The following KAT14 variants were observed in gnomAD, a reference collection of about 807,000 sequenced individuals.
KAT14 encodes the protein lysine acetyltransferase 14.
KAT14 carries 66 observed loss-of-function variants against 78.4 expected under a neutral mutation model. The observed-to-expected ratio is 0.84, with a 90% CI of 0.69 to 1.03. KAT14 has a LOEUF of 1.03. Ranked by LOEUF, KAT14 falls within the 50% of genes least tolerant of loss-of-function variation. KAT14 has a pLI of 0.00. For synonymous variants in KAT14, 344 were observed against 359.4 expected (o/e 0.96, Z 0.48); for missense variants, 870 against 972.5 (o/e 0.89, Z 1.40).
At chr20:18,168,082 G>A (rs2038714945) in intron 7 of KAT14, among the ~76,000 whole-genome samples, 1 of 151,880 alleles carries the variant, frequency 6.6e-6, no homozygotes, top group African/African-American at 2.4e-5. Context: ...AAACTTATAC[G>A]ACTAAGAATA....
intron 5 of KAT14, among the ~76,000 whole-genome samples, chr20:18,160,704 C>T (rs1452518778): frequency 6.6e-6 from 1 of 152,114 alleles, no homozygotes; most frequent in African/African-American, 2.4e-5. Context: ...GCCTCTCCTT[C>T]CAAAAGTGCT....
intron 7 of KAT14, among the ~76,000 whole-genome samples, chr20:18,171,718 A>G (rs1482389229): frequency 6.6e-6 from 1 of 152,198 alleles, no homozygotes; most frequent in Non-Finnish European, 1.5e-5. Flanking sequence ...AGGCTGAGGC[A>G]GGAGAATCGC....
At chr20:18,185,684 A>AT (rs1025354419) in intron 10 of KAT14, among the ~76,000 whole-genome samples, 2 of 152,008 alleles carry the variant, frequency 1.3e-5, no homozygotes, top group African/African-American at 4.8e-5. Context: ...TTCCCCTAGA[A>AT]TTTTTTTTAG....
intron 4 of KAT14, among the ~76,000 whole-genome samples, chr20:18,157,034 A>T (rs2038251264): frequency 6.6e-6 from 1 of 152,216 alleles, no homozygotes; most frequent in African/African-American, 2.4e-5. Flanking sequence ...TGTTTTTGTG[A>T]TTAGAAGTAG....
At chr20:18,177,286 C>G (rs574112038) in intron 7 of KAT14, among the ~76,000 whole-genome samples, 7 of 152,264 alleles carry the variant, frequency 4.6e-5, no homozygotes, top group South Asian at 2.1e-4. Flanking sequence ...TCCCTGTGGC[C>G]TCTAGTTATT....
intron 9 of KAT14, chr20:18,183,635 T>C (rs2039347928): frequency 2.8e-5 from 19 of 687,728 alleles, no homozygotes; most frequent in Non-Finnish European, 3.4e-5. Flanking sequence ...TTGGACACTT[T>C]TGTTTTTGGC....
At position 18,162,579 on chromosome 20, in the gene KAT14, A is replaced by G. The variant is rs761019315; in HGVS notation, c.1302A>G (p.Thr434=). The change falls in exon 7 of 11, where the codon ACA becomes ACG. Residue 434 remains threonine (T), a synonymous_variant. Transcript: ENST00000688188. ...ACAGTGAAGACACAGATTCAAACAC[A>G]TCTTTGCAAACAAGGGCTAGAGAAA... The part of the protein sequence containing the change: ...DIDSEDTDSN[T]SLQTRAREKR... 1.2e-6 allele frequency: 2 copies of G among 1,614,200 alleles called. No homozygotes were observed. Among genetic ancestry groups the G allele is most frequent in the South Asian group, 1.1e-5 (1 of 91,086 alleles).
At chr20:18,166,020 C>G (rs2038626594) in intron 7 of KAT14, among the ~76,000 whole-genome samples, 1 of 152,158 alleles carries the variant, frequency 6.6e-6, no homozygotes, top group Non-Finnish European at 1.5e-5. Context: ...GCAGCAAGGA[C>G]TTAAGGATGA....
chr20:18,143,815 T>G (rs887410735), intron 2 of KAT14, among the ~76,000 whole-genome samples: 1 of 151,746 alleles, frequency 6.6e-6, no homozygotes, highest in African/African-American at 2.4e-5. Context: ...TTAGTAGAGA[T>G]GAGGTTTCTT....
Position 18,183,308 on chromosome 20 carries a change from C to T in KAT14, c.1981+10C>T. ...GAGTTTTTTTGGCCTGGTATGTTCC[C>T]CCTCCCAAACCAGGCAGGTCATTTT... On this transcript the variant is annotated intron_variant, in intron 9 of 10. Transcript: ENST00000688188. The T allele has an allele frequency of 2.5e-6, 4 of 1,608,416 alleles. No individual in the cohort carries two copies. The highest frequency in any genetic ancestry group is 1.7e-4 in the Middle Eastern group (1 of 6,038).
At chr20:18,144,842 C>T (rs1404712028) in intron 2 of KAT14, among the ~76,000 whole-genome samples, 2 of 152,184 alleles carry the variant, frequency 1.3e-5, no homozygotes, top group Non-Finnish European at 1.5e-5. Flanking sequence ...TGAGATCAGG[C>T]ACCATTATCT....
intron 7 of KAT14, among the ~76,000 whole-genome samples, chr20:18,163,734 TGCC>T (rs2038532312): frequency 6.6e-6 from 1 of 152,200 alleles, no homozygotes; most frequent in South Asian, 2.1e-4. Context: ...TTCAGTGATG[TGCC>T]GTATGTAGGG....
rs985920582 is a variant in KAT14 at position 18,137,898 on chromosome 20, C to T, written c.-607C>T. 7.0e-6 allele frequency: 10 copies of T among 1,435,980 alleles called. No homozygotes were observed. Among genetic ancestry groups the T allele is most frequent in the Non-Finnish European group, 8.2e-6 (9 of 1,098,258 alleles). The allele number at this position is 1,435,980 out of a possible 1,614,324, so 89.0% of individuals were successfully genotyped here. ...AGTACAGGCGGCGGTGCGCACTCTG[C>T]GGCGGCCTCTGCGCCTCGGGCGGGC... On this transcript the variant is annotated 5_prime_UTR_variant, in exon 1 of 11. Transcript: ENST00000688188.
At chr20:18,148,537 A>C (rs2037911919) in intron 3 of KAT14, among the ~76,000 whole-genome samples, 1 of 152,154 alleles carries the variant, frequency 6.6e-6, no homozygotes, top group Non-Finnish European at 1.5e-5. Flanking sequence ...ATTGGTCCAC[A>C]AGATCAGCCT....
intron 3 of KAT14, 107 bp downstream of exon 3, chr20:18,145,458 C>T (rs1312729714): frequency 1.4e-6 from 2 of 1,465,860 alleles, no homozygotes; most frequent in Admixed American, 2.2e-5. Flanking sequence ...TTTGGAGGGG[C>T]ACTTTTTATT....
chr20:18,181,844 C>T lies in KAT14; in HGVS notation c.1803C>T (p.Ile601=). 1 of 1,613,938 alleles carries T rather than the reference C, an allele frequency of 6.2e-7. No individual in the cohort carries two copies. The change falls in exon 8 of 11, where the codon ATC becomes ATT. Residue 601 remains isoleucine (I), a splice_region_variant and synonymous_variant. Coordinates refer to ENST00000688188, the MANE Select transcript of KAT14 (RefSeq NM_001392073.1). ...PYTSRILKPY[I]RRDYETKPPK... The stretch of plus-strand genomic sequence containing the variant: ...CCTCTCGGATCTTGAAACCTTATAT[C>T]AGGTATATGGAGAACTAGAGGTGTG...
chr20:18,149,575 C>T (rs1448702889), intron 3 of KAT14, among the ~76,000 whole-genome samples: 1 of 151,624 alleles, frequency 6.6e-6, no homozygotes, highest in Non-Finnish European at 1.5e-5. Context: ...GTAGATATTG[C>T]TCTTTCCGTA....
chr20:18,149,582 C>T (rs1014633503), intron 3 of KAT14, among the ~76,000 whole-genome samples: 7 of 152,064 alleles, frequency 4.6e-5, no homozygotes, highest in Non-Finnish European at 7.4e-5. Flanking sequence ...TTGCTCTTTC[C>T]GTAAGACTGC....
At chr20:18,158,347 A>G (rs532117862) in intron 4 of KAT14, among the ~76,000 whole-genome samples, 6 of 152,320 alleles carry the variant, frequency 3.9e-5, no homozygotes, top group Non-Finnish European at 5.9e-5. Flanking sequence ...TTGCCTTCCC[A>G]GCAATACCTT....
Sources: gnomAD v4.1 joint callset for allele counts (sites outside exome capture counted in the v4.1 genomes callset) on GRCh38, gnomAD v4.1.1 for gene constraint, MANE v1.5 for transcripts, NCBI Gene and HGNC (gene_info 2026-07-23, HGNC 2026-07-21) for gene names.